IDO2: variants seen among roughly 807,000 people sequenced by gnomAD.
IDO2 encodes the protein indoleamine 2,3-dioxygenase 2.
Under a neutral mutation model 45.1 loss-of-function variants are expected in IDO2, and 46 were observed. That is an observed-to-expected ratio of 1.02 (90% CI 0.80 to 1.30). The LOEUF (loss-of-function observed/expected upper bound fraction) is 1.30, where lower values mean the gene tolerates loss of function less well. Among genes scored for constraint, IDO2 ranks in the 50% most tolerant of loss-of-function variants. The pLI is 0.00. For synonymous variants in IDO2, 218 were observed against 184.9 expected (o/e 1.18, Z -1.45); for missense variants, 544 against 491.8 (o/e 1.11, Z -1.00).
At chr8:39,993,235 T>C (rs190828792) in intron 8 of IDO2, among the ~76,000 whole-genome samples, 1 of 152,254 alleles carries the variant, frequency 6.6e-6, no homozygotes, top group Admixed American at 6.5e-5. Flanking sequence ...TGTTTTTTTT[T>C]TTCTTCTTTT....
At chr8:39,997,603 T>G (rs1802065631) in intron 8 of IDO2, among the ~76,000 whole-genome samples, 1 of 152,146 alleles carries the variant, frequency 6.6e-6, no homozygotes, top group Non-Finnish European at 1.5e-5. Context: ...AAGGCTGCAA[T>G]GAGCCAAGGT....
intron 4 of IDO2, 119 bp downstream of exon 4, chr8:39,979,305 T>C (rs1170239243): frequency 9.7e-7 from 1 of 1,032,026 alleles, no homozygotes; most frequent in Non-Finnish European, 1.4e-6. Context: ...TTCTTCTCGA[T>C]GGGCATCAGT....
intron 8 of IDO2, among the ~76,000 whole-genome samples, chr8:39,990,451 C>A (rs1432476663): frequency 1.3e-5 from 2 of 152,160 alleles, no homozygotes; most frequent in Non-Finnish European, 2.9e-5. Context: ...GTATAAATGC[C>A]TGATAACAAA....
At chr8:40,007,485 G>A (rs1440522723) in intron 9 of IDO2, among the ~76,000 whole-genome samples, 1 of 151,702 alleles carries the variant, frequency 6.6e-6, no homozygotes, top group Admixed American at 6.6e-5. Flanking sequence ...AAAGAAGGGT[G>A]CAGAAATGGA....
intron 9 of IDO2, among the ~76,000 whole-genome samples, chr8:40,011,461 T>C (rs1009405089): frequency 6.6e-6 from 1 of 152,208 alleles, no homozygotes; most frequent in Non-Finnish European, 1.5e-5. Context: ...CCATAAAATG[T>C]TGTTCATCAA....
At chr8:39,939,546 C>CAAAAAA (rs55892879) in intron 1 of IDO2, among the ~76,000 whole-genome samples, 1 of 71,268 alleles carries the variant, frequency 1.4e-5, no homozygotes, top group Non-Finnish European at 2.4e-5. Context: ...GACTCTGTCT[C>CAAAAAA]AAAAAAAAAA....
intron 1 of IDO2, among the ~76,000 whole-genome samples, chr8:39,944,760 C>T (rs1323851667): frequency 6.6e-6 from 1 of 152,086 alleles, no homozygotes; most frequent in Non-Finnish European, 1.5e-5. Flanking sequence ...AACTGGACCC[C>T]CCTCCCCTTT....
intron 2 of IDO2, among the ~76,000 whole-genome samples, chr8:39,955,583 G>C (rs1006255722): frequency 3.3e-5 from 5 of 151,980 alleles, no homozygotes; most frequent in Admixed American, 6.6e-5. Flanking sequence ...TGCCAGGTGG[G>C]GGGAGGGGAC....
intron 5 of IDO2, among the ~76,000 whole-genome samples, chr8:39,982,993 A>G (rs1211129373): frequency 6.6e-6 from 1 of 152,202 alleles, no homozygotes; most frequent in African/African-American, 2.4e-5. Flanking sequence ...TTTCCACATG[A>G]CGTGTGAATT....
chr8:39,958,414 T>C (rs578072988), intron 2 of IDO2, among the ~76,000 whole-genome samples: 3 of 152,048 alleles, frequency 2.0e-5, no homozygotes, highest in African/African-American at 7.2e-5. Context: ...TTTTCTTTTT[T>C]TGGAGACAGT....
chr8:39,971,919 C>A lies in IDO2; in HGVS notation c.196-7148C>A, dbSNP rs374678506. 1.4e-4 allele frequency among the ~76,000 whole-genome samples: 21 copies of A among 152,204 alleles called. No individual in the cohort carries two copies. The East Asian group carries it at 1.7e-3, about 13-fold the overall frequency. On this transcript the variant is annotated intron_variant, in intron 3 of 10. Transcript: ENST00000502986. ...TGCCTCCCTGGTTCAAGCAAGTCTCCTGCCTCAGCCTCCCGAGTTCCTAGG... is the reference window on the plus strand; with the variant it reads ...TGCCTCCCTGGTTCAAGCAAGTCTCATGCCTCAGCCTCCCGAGTTCCTAGG...
intron 2 of IDO2, among the ~76,000 whole-genome samples, chr8:39,958,204 CTTTAT>C (rs768234319): frequency 2.7e-5 from 4 of 148,686 alleles, no homozygotes; most frequent in Non-Finnish European, 5.9e-5. Context: ...CGCGCCCAGA[CTTTAT>C]TTTATTTTTT....
intron 3 of IDO2, among the ~76,000 whole-genome samples, chr8:39,977,569 T>C (rs1455176038): frequency 6.6e-6 from 1 of 152,218 alleles, no homozygotes; most frequent in Non-Finnish European, 1.5e-5. Flanking sequence ...TAGTCCCAGG[T>C]ACTCAGGAGG....
intron 5 of IDO2, 56 bp from the exon 6 acceptor site, chr8:39,985,447 CTGAAT>C: frequency 7.0e-7 from 1 of 1,422,488 alleles, no homozygotes; most frequent in Non-Finnish European, 9.7e-7. Flanking sequence ...GGTTTACAAA[CTGAAT>C]TGTTCTTTTA....
chr8:39,950,316 AG>A (rs1807794587), intron 2 of IDO2, among the ~76,000 whole-genome samples: 1 of 152,164 alleles, frequency 6.6e-6, no homozygotes, highest in Non-Finnish European at 1.5e-5. Context: ...GGATCACTTG[AG>A]GTTCAGGAGT....
At chr8:39,983,946 T>C (rs888669186) in intron 5 of IDO2, among the ~76,000 whole-genome samples, 8 of 152,068 alleles carry the variant, frequency 5.3e-5, no homozygotes, top group Admixed American at 2.0e-4. Flanking sequence ...TGGAGTTTTA[T>C]GTTTTCTGCA....
intron 3 of IDO2, among the ~76,000 whole-genome samples, chr8:39,976,333 C>T (rs553578326): frequency 6.6e-6 from 1 of 151,856 alleles, no homozygotes; most frequent in Non-Finnish European, 1.5e-5. Context: ...ATATAAATAG[C>T]GAGGAAATAA....
intron 2 of IDO2, among the ~76,000 whole-genome samples, chr8:39,952,202 C>G (rs1429227797): frequency 6.6e-6 from 1 of 152,144 alleles, no homozygotes; most frequent in Non-Finnish European, 1.5e-5. Flanking sequence ...CTAAAATCAC[C>G]AGGCAGAGTG....
intron 1 of IDO2, among the ~76,000 whole-genome samples, chr8:39,935,750 T>C (rs1393844396): frequency 1.3e-5 from 2 of 152,182 alleles, no homozygotes; most frequent in African/African-American, 4.8e-5. Context: ...TTGCCCAGCC[T>C]GTGCATTACT....
Sources: allele counts gnomAD v4.1 joint callset (sites outside exome capture counted in the v4.1 genomes callset), GRCh38; gene constraint gnomAD v4.1.1; transcripts MANE v1.5; gene names NCBI Gene and HGNC (gene_info 2026-07-23, HGNC 2026-07-21).